UGGT2: variants seen among roughly 807,000 people sequenced by gnomAD.
UGGT2 encodes UDP-glucose glycoprotein glucosyltransferase 2, also known as UDP-glucose:glycoprotein glucosyltransferase 2.
Under a neutral mutation model 192.1 loss-of-function variants are expected in UGGT2, and 180 were observed. The ratio of observed to expected loss-of-function variants is 0.94; its 90% CI spans 0.83 to 1.06. The LOEUF is 1.06. Ranked by LOEUF, UGGT2 falls within the 50% of genes least tolerant of loss-of-function variation. The pLI is 0.00. For missense variants in UGGT2, 1,849 were observed against 1,795.7 expected (o/e 1.03, Z -0.54); for synonymous variants, 580 against 591.0 (o/e 0.98, Z 0.27).
At chr13:95,839,062 G>C (rs548931542) in intron 36 of UGGT2, among the ~76,000 whole-genome samples, 3 of 151,900 alleles carry the variant, frequency 2.0e-5, no homozygotes, top group Admixed American at 6.6e-5. Context: ...GTACTTTCTT[G>C]ACAAAGTCAT....
At chr13:95,885,716 T>A (rs2047626380) in intron 26 of UGGT2, among the ~76,000 whole-genome samples, 1 of 152,116 alleles carries the variant, frequency 6.6e-6, no homozygotes, top group Non-Finnish European at 1.5e-5. Context: ...CAGGAGAGAA[T>A]ACAGTCATGA....
At chr13:95,824,255 C>T (rs933145072) in intron 38 of UGGT2, among the ~76,000 whole-genome samples, 2 of 152,104 alleles carry the variant, frequency 1.3e-5, no homozygotes, top group Non-Finnish European at 2.9e-5. Flanking sequence ...AGATACCTGA[C>T]AACTGTGTGC....
At chr13:95,958,133 C>A (rs1256355212) in intron 12 of UGGT2, among the ~76,000 whole-genome samples, 1 of 151,896 alleles carries the variant, frequency 6.6e-6, no homozygotes, top group East Asian at 1.9e-4. Context: ...CTGCTATAGT[C>A]CTTTGGCTCT....
chr13:96,029,399 G>A (rs1237350658), intron 2 of UGGT2, among the ~76,000 whole-genome samples: 1 of 151,658 alleles, frequency 6.6e-6, no homozygotes, highest in East Asian at 1.9e-4. Flanking sequence ...TGAGTCTTGT[G>A]CCTCAGCCTC....
intron 21 of UGGT2, among the ~76,000 whole-genome samples, chr13:95,901,781 C>A (rs927206982): frequency 7.2e-5 from 11 of 151,994 alleles, no homozygotes; most frequent in African/African-American, 2.7e-4. Flanking sequence ...TGGTGTTGGA[C>A]CATGTAGGCC....
Position 96,053,289 on chromosome 13 carries a change from G to A in UGGT2, c.24C>T (p.Asn8=), listed in dbSNP as rs372273165. MAPAKAT[N]VVRLLLGSTA... ...TGGAGCCTAGTAGCAGCCGCACCAC[G>A]TTCGTGGCTTTCGCTGGCGCCATGG... The change falls in exon 1 of 39, where the codon AAC becomes AAT. Residue 8 remains asparagine, a synonymous_variant. Coordinates refer to ENST00000376747, the MANE Select transcript of UGGT2 (RefSeq NM_020121.4). The A allele has an allele frequency of 1.3e-5, 20 of 1,578,878 alleles. No individual in the cohort carries two copies. Among genetic ancestry groups the A allele is most frequent in the Non-Finnish European group, 1.6e-5 (19 of 1,171,414 alleles).
chr13:95,870,030 T>C (rs1321562567), intron 29 of UGGT2, among the ~76,000 whole-genome samples: 2 of 152,226 alleles, frequency 1.3e-5, no homozygotes, highest in Admixed American at 6.5e-5. Context: ...CACTAACTGG[T>C]AAGAAACAAT....
chr13:95,954,695 A>T (rs2050162745), intron 12 of UGGT2, among the ~76,000 whole-genome samples: 1 of 152,150 alleles, frequency 6.6e-6, no homozygotes, highest in Admixed American at 6.5e-5. Flanking sequence ...TTCCAGATGT[A>T]CCAAACCAAT....
intron 12 of UGGT2, among the ~76,000 whole-genome samples, chr13:95,954,599 C>T (rs2050160030): frequency 6.6e-6 from 1 of 152,190 alleles, no homozygotes; most frequent in African/African-American, 2.4e-5. Context: ...CTATTGATTC[C>T]AGATAACAAC....
chr13:95,879,512 T>C (rs1413717752), intron 27 of UGGT2, among the ~76,000 whole-genome samples: 1 of 152,218 alleles, frequency 6.6e-6, no homozygotes, highest in African/African-American at 2.4e-5. Flanking sequence ...CTCGGCTCAC[T>C]GCAACATCCG....
At chr13:96,038,443 G>A (rs1400436999) in intron 1 of UGGT2, among the ~76,000 whole-genome samples, 1 of 152,172 alleles carries the variant, frequency 6.6e-6, no homozygotes, top group Non-Finnish European at 1.5e-5. Context: ...ATGCCCACAA[G>A]TAAGGTATCA....
At position 95,887,886 on chromosome 13, in the gene UGGT2, A is replaced by T; in HGVS notation, c.3038+6T>A. The T allele has an allele frequency of 1.9e-6, 3 of 1,552,146 alleles. No homozygotes were observed. Among genetic ancestry groups the T allele is most frequent in the Non-Finnish European group, 2.6e-6 (3 of 1,134,254 alleles). The stretch of plus-strand genomic sequence containing the variant: ...TCAAAATGAAATTTTGTTCACTCAG[A>T]TTTACCTTTCTAAAGGGGCTTCTGA... On this transcript the variant is annotated splice_donor_region_variant and intron_variant, in intron 26 of 38. Transcript: ENST00000376747.
chr13:95,966,321 G>A (rs183896510), intron 12 of UGGT2, among the ~76,000 whole-genome samples: 41 of 152,208 alleles, frequency 2.7e-4, no homozygotes, highest in East Asian at 1.4e-3. Flanking sequence ...GTTCTCACTC[G>A]TAAGTGGGAA....
chr13:95,903,462 TA>T (rs1248335915), intron 20 of UGGT2, among the ~76,000 whole-genome samples: 2 of 152,190 alleles, frequency 1.3e-5, no homozygotes, highest in African/African-American at 2.4e-5. Flanking sequence ...CCCACTTTTC[TA>T]AAGACAACCA....
chr13:95,948,546 A>G (rs896271107), intron 13 of UGGT2, among the ~76,000 whole-genome samples: 2 of 152,182 alleles, frequency 1.3e-5, no homozygotes, highest in African/African-American at 4.8e-5. Flanking sequence ...AAACAGCCGT[A>G]GGTATTTTCT....
At chr13:95,816,654 G>A (rs1370178051) in intron 38 of UGGT2, among the ~76,000 whole-genome samples, 2 of 152,218 alleles carry the variant, frequency 1.3e-5, no homozygotes, top group East Asian at 1.9e-4. Context: ...CTTATTCAAT[G>A]TATGGCACTG....
chr13:95,999,513 T>C (rs143054019), intron 5 of UGGT2, among the ~76,000 whole-genome samples: 24 of 152,340 alleles, frequency 1.6e-4, no homozygotes, highest in African/African-American at 5.5e-4. Flanking sequence ...TGTAAAAACT[T>C]TGTCATGACT....
intron 22 of UGGT2, among the ~76,000 whole-genome samples, chr13:95,899,420 G>C (rs1271669447): frequency 6.6e-6 from 1 of 151,980 alleles, no homozygotes; most frequent in Non-Finnish European, 1.5e-5. Flanking sequence ...AGAATGTTTG[G>C]TTCACAGTAG....
At chr13:95,863,014 C>T (rs1482537022) in intron 31 of UGGT2, among the ~76,000 whole-genome samples, 2 of 152,006 alleles carry the variant, frequency 1.3e-5, no homozygotes, top group African/African-American at 4.8e-5. Context: ...AGATACATGC[C>T]ATCACAACAG....
Sources: allele counts gnomAD v4.1 joint callset (sites outside exome capture counted in the v4.1 genomes callset), GRCh38; gene constraint gnomAD v4.1.1; transcripts MANE v1.5; gene names NCBI Gene and HGNC (gene_info 2026-07-23, HGNC 2026-07-21).